Variants in CREB5 observed in about 807,000 individuals in gnomAD.
CREB5 encodes cyclic AMP-responsive element-binding protein 5.
A neutral mutation model predicts 57.1 loss-of-function variants in CREB5; 19 were observed. The observed-to-expected ratio is 0.33, with a 90% CI of 0.23 to 0.49. The LOEUF is 0.49. Ranked by LOEUF, CREB5 falls within the 20% of genes least tolerant of loss-of-function variation. CREB5 has a pLI of 0.99. For synonymous variants in CREB5, 238 were observed against 238.3 expected (o/e 1.00, Z 0.01); for missense variants, 579 against 671.6 (o/e 0.86, Z 1.52).
intron 4 of CREB5, among the ~76,000 whole-genome samples, chr7:28,560,931 T>TGTGCGCGC (rs1562797936): frequency 2.1e-5 from 1 of 48,532 alleles, no homozygotes; most frequent in Non-Finnish European, 3.8e-5. Context: ...TGCGCGTGCG[T>TGTGCGCGC]GTGTGCGTGC....
chr7:28,560,866 C>CGCGCGCG lies in CREB5; in HGVS notation c.292-9499_292-9498insGCGCGCG, dbSNP rs1562797336. 2.4e-4 allele frequency among the ~76,000 whole-genome samples: 12 copies of CGCGCGCG among 50,290 alleles called. 1 individual carries two copies. Among genetic ancestry groups the CGCGCGCG allele is most frequent in the Non-Finnish European group, 3.0e-4 (7 of 23,154 alleles). The allele number at this position is 50,290 out of a possible 152,430, so 33.0% of individuals were successfully genotyped here. ...TGTGCGCGTGTGTGTGTGCGTGTGC[C>CGCGCGCG]TGCGTGCGCGTGCGTGCGTGCGTGT... On this transcript the variant is annotated intron_variant, in intron 4 of 10. Transcript: ENST00000357727.
chr7:28,591,445 T>C (rs1241877113), intron 5 of CREB5, among the ~76,000 whole-genome samples: 1 of 152,170 alleles, frequency 6.6e-6, no homozygotes, highest in Non-Finnish European at 1.5e-5. Context: ...CTTGTAATAC[T>C]CAGAAAACCT....
intron 5 of CREB5, among the ~76,000 whole-genome samples, chr7:28,715,981 A>G (rs1231283286): frequency 6.6e-6 from 1 of 152,216 alleles, no homozygotes; most frequent in Non-Finnish European, 1.5e-5. Flanking sequence ...CCTACCTAAT[A>G]AGAACACTGA....
chr7:28,782,933 A>G (rs1020293011), intron 7 of CREB5, among the ~76,000 whole-genome samples: 3 of 152,170 alleles, frequency 2.0e-5, no homozygotes, highest in African/African-American at 7.2e-5. Context: ...ATTGTGTTTC[A>G]TTCTCAAACG....
At chr7:28,451,712 C>A (rs778224130) in intron 1 of CREB5, among the ~76,000 whole-genome samples, 3 of 151,976 alleles carry the variant, frequency 2.0e-5, no homozygotes, top group Admixed American at 6.6e-5. Context: ...TATGGCGGTC[C>A]TACAGGAGCA....
chr7:28,667,152 A>G (rs10274259), intron 5 of CREB5, among the ~76,000 whole-genome samples: 39,250 of 151,486 alleles, frequency 0.26, 5,176 homozygotes, highest in Middle Eastern at 0.37. Context: ...CGAAAGATAT[A>G]CACCTTCAAA....
intron 6 of CREB5, among the ~76,000 whole-genome samples, chr7:28,720,665 G>A (rs760858680): frequency 6.6e-6 from 1 of 152,132 alleles, no homozygotes; most frequent in Admixed American, 6.6e-5. Flanking sequence ...GACAGATCAC[G>A]TTGGTTGACT....
chr7:28,425,116 G>T (rs1046655542), intron 1 of CREB5, among the ~76,000 whole-genome samples: 7 of 152,012 alleles, frequency 4.6e-5, no homozygotes, highest in African/African-American at 1.7e-4. Flanking sequence ...TATACAAATG[G>T]CCAGTAAGCA....
intron 4 of CREB5, among the ~76,000 whole-genome samples, chr7:28,549,924 C>T (rs1290257526): frequency 2.0e-5 from 3 of 152,198 alleles, no homozygotes; most frequent in Non-Finnish European, 4.4e-5. Context: ...ACATCAGCCA[C>T]TTGGTTGGTT....
intron 5 of CREB5, among the ~76,000 whole-genome samples, chr7:28,701,317 C>CA (rs1801848107): frequency 6.6e-6 from 1 of 152,158 alleles, no homozygotes; most frequent in Non-Finnish European, 1.5e-5. Flanking sequence ...AATGGCCCCC[C>CA]AAAATCCCTC....
intron 4 of CREB5, among the ~76,000 whole-genome samples, chr7:28,529,503 AC>A (rs370697504): frequency 2.6e-4 from 39 of 152,352 alleles, no homozygotes; most frequent in African/African-American, 9.4e-4. Context: ...ACATGATAAA[AC>A]CACTGGCCTA....
chr7:28,495,070 T>G (rs1433940240), intron 3 of CREB5, 71 bp downstream of exon 3: 3 of 1,073,608 alleles, frequency 2.8e-6, no homozygotes, highest in East Asian at 5.3e-5. Flanking sequence ...GTTCTTCTTT[T>G]GGTAGGCGAG....
rs1008153506 is a variant in CREB5, at chr7:28,376,693, A to G, written c.-25+77252A>G. On this transcript the variant is annotated intron_variant, in intron 1 of 9. Coordinates refer to the CREB5 transcript ENST00000396299. The stretch of plus-strand genomic sequence containing the variant: ...GTTAGACACATGTTCTATGTGGGTT[A>G]TTTCCAGACTCACCTTAGCTCAGTG... Among the ~76,000 whole-genome samples the G allele has an allele frequency of 5.3e-5, 8 of 152,330 alleles. No individual in the cohort carries two copies. The South Asian group carries it at 8.3e-4, about 16-fold the overall frequency.
At chr7:28,352,100 C>A (rs1180223104) in intron 1 of CREB5, among the ~76,000 whole-genome samples, 1 of 152,182 alleles carries the variant, frequency 6.6e-6, no homozygotes, top group Non-Finnish European at 1.5e-5. Context: ...ATGTTATCAT[C>A]AAAAATTATT....
At position 28,679,052 on chromosome 7, in the gene CREB5, CTT is replaced by C. The variant is rs56266854; in HGVS notation, c.465-39685_465-39684del. Among the ~76,000 whole-genome samples, 588 of 123,856 alleles carry C rather than the reference CTT, an allele frequency of 4.7e-3. 9 individuals are homozygous for C. Among genetic ancestry groups the C allele is most frequent in the African/African-American group, 0.016 (551 of 34,040 alleles). 81.3% of individuals were successfully genotyped at this position (123,856 alleles called of 152,430 possible). On this transcript the variant is annotated intron_variant, in intron 5 of 10. Coordinates refer to ENST00000357727, the MANE Select transcript of CREB5 (RefSeq NM_182898.4). ...CAAACTCATTTTTACTTTTGTAGTT[CTT>C]TTTTTTTTTTTTTTTCATTTAAGCA...
chr7:28,431,993 T>C (rs545447137), intron 1 of CREB5, among the ~76,000 whole-genome samples: 5 of 151,586 alleles, frequency 3.3e-5, no homozygotes, highest in Admixed American at 2.6e-4. Flanking sequence ...TTTTTTTTTT[T>C]TTTTTTGCTT....
At chr7:28,718,067 T>C (rs1354186070) in intron 5 of CREB5, among the ~76,000 whole-genome samples, 1 of 152,216 alleles carries the variant, frequency 6.6e-6, no homozygotes, top group Non-Finnish European at 1.5e-5. Flanking sequence ...CCAAGTCTTG[T>C]AGGTCAGGCC....
At chr7:28,527,579 G>A (rs572802231) in intron 4 of CREB5, among the ~76,000 whole-genome samples, 1 of 152,190 alleles carries the variant, frequency 6.6e-6, no homozygotes, top group Non-Finnish European at 1.5e-5. Flanking sequence ...TGCTGTGAGA[G>A]GCTCATGTAG....
chr7:28,628,497 C>T (rs1327386937), intron 5 of CREB5, among the ~76,000 whole-genome samples: 1 of 152,016 alleles, frequency 6.6e-6, no homozygotes, highest in East Asian at 1.9e-4. Flanking sequence ...TTCTCTGGAG[C>T]CCAGGGGACA....
Sources: allele counts gnomAD v4.1 joint callset (sites outside exome capture counted in the v4.1 genomes callset), GRCh38; gene constraint gnomAD v4.1.1; transcripts MANE v1.5; gene names NCBI Gene and HGNC (gene_info 2026-07-23, HGNC 2026-07-21).